ZNF382: variants seen among roughly 807,000 people sequenced by gnomAD.
ZNF382 encodes zinc finger protein 382, also known as KRAB/zinc finger suppressor protein 1.
ZNF382 carries 20 observed loss-of-function variants against 38.8 expected under a neutral mutation model. The observed-to-expected ratio is 0.51, with a 90% CI of 0.36 to 0.75. The LOEUF (loss-of-function observed/expected upper bound fraction) is 0.75. Ranked by LOEUF, ZNF382 falls within the 30% of genes least tolerant of loss-of-function variation. ZNF382 has a pLI of 0.00. For missense variants in ZNF382, 546 were observed against 654.1 expected (o/e 0.83, Z 1.80); for synonymous variants, 202 against 223.1 (o/e 0.91, Z 0.84).
At chr19:36,611,178 T>C (rs1358676472) in intron 4 of ZNF382, among the ~76,000 whole-genome samples, 1 of 152,058 alleles carries the variant, frequency 6.6e-6, no homozygotes, top group Non-Finnish European at 1.5e-5. Flanking sequence ...GAATCCCAGC[T>C]ACTCAGGAGG....
At chr19:36,625,089 AAT>A (rs371760229) in intron 4 of ZNF382, among the ~76,000 whole-genome samples, 1,326 of 42,948 alleles carry the variant, frequency 0.031, 52 homozygotes, top group African/African-American at 0.07. Context: ...AATGAATTTA[AAT>A]ATATATATAT....
intron 3 of ZNF382, 189 bp from the exon 4 acceptor site, chr19:36,610,461 A>G (rs1379266477): frequency 1.1e-5 from 5 of 469,732 alleles, no homozygotes; most frequent in Non-Finnish European, 7.5e-6. Context: ...CTCAAAAAAA[A>G]AAAAGAAAAG....
chr19:36,612,310 A>G (rs1046638068), intron 4 of ZNF382, among the ~76,000 whole-genome samples: 81 of 152,204 alleles, frequency 5.3e-4, no homozygotes, highest in African/African-American at 1.8e-3. Flanking sequence ...TTAACTGTGG[A>G]ACAGTTTTCC....
intron 4 of ZNF382, among the ~76,000 whole-genome samples, chr19:36,614,914 C>CTTTCCTTTCCTTCCCTTCCCTTTCCCT (rs752527955): frequency 1.1e-5 from 1 of 90,788 alleles, no homozygotes. Context: ...CTTTCCTTTC[C>CTTTCCTTTCCTTCCCTTCCCTTTCCCT]TTCCCTTTCC....
rs78803382 is a variant in ZNF382 at position 36,619,856 on chromosome 19, G to A, written c.233-6274G>A. On this transcript the variant is annotated intron_variant, in intron 4 of 4. Transcript: ENST00000292928. ...CACCATTCTCCTGCCTTAGCCTCCT[G>A]AGTAGCTGGGACTGCAGGCACCCAC... Among the ~76,000 whole-genome samples, 833 of 151,908 alleles carry A rather than the reference G, an allele frequency of 5.5e-3. 23 individuals carry two copies. The highest frequency in any genetic ancestry group is 0.037 in the Admixed American group (565 of 15,236).
intron 3 of ZNF382, 46 bp downstream of exon 3, chr19:36,610,099 A>C: frequency 6.2e-7 from 1 of 1,600,726 alleles, no homozygotes; most frequent in South Asian, 1.1e-5. Flanking sequence ...TCTCCTTCTA[A>C]GAATTCCTGA....
chr19:36,625,357 A>G (rs187588410), intron 4 of ZNF382, among the ~76,000 whole-genome samples: 1 of 151,862 alleles, frequency 6.6e-6, no homozygotes, highest in East Asian at 1.9e-4. Flanking sequence ...CAAGTGAAGA[A>G]GAAAGAATTG....
intron 4 of ZNF382, among the ~76,000 whole-genome samples, chr19:36,625,409 T>C (rs1013519779): frequency 6.6e-6 from 1 of 151,976 alleles, no homozygotes; most frequent in African/African-American, 2.4e-5. Flanking sequence ...GATAAATGTA[T>C]AGCTTTTCAT....
intron 1 of ZNF382, 31 bp from the exon 2 acceptor site, chr19:36,607,521 A>G: frequency 2.3e-6 from 3 of 1,331,718 alleles, no homozygotes; most frequent in Admixed American, 2.0e-5. Context: ...ATGGTCTCAC[A>G]TACGTATATC....
chr19:36,609,804 G>A, intron 2 of ZNF382, 98 bp from the exon 3 acceptor site: 1 of 1,070,468 alleles, frequency 9.3e-7, no homozygotes, highest in Non-Finnish European at 1.3e-6. Context: ...AGAATTTTAT[G>A]CAATATAAAA....
At chr19:36,614,095 T>G (rs929129655) in intron 4 of ZNF382, among the ~76,000 whole-genome samples, 1 of 151,996 alleles carries the variant, frequency 6.6e-6, no homozygotes, top group African/African-American at 2.4e-5. Flanking sequence ...ACCCCAGCAC[T>G]TTGGGAGGCC....
intron 4 of ZNF382, among the ~76,000 whole-genome samples, chr19:36,625,089 A>AT (rs2037199569): frequency 4.7e-5 from 2 of 42,994 alleles, no homozygotes; most frequent in East Asian, 1.1e-3. Flanking sequence ...AATGAATTTA[A>AT]ATATATATAT....
chr19:36,623,665 A>C (rs2037186946), intron 4 of ZNF382, among the ~76,000 whole-genome samples: 1 of 151,910 alleles, frequency 6.6e-6, no homozygotes, highest in Non-Finnish European at 1.5e-5. Context: ...TTGGTGGCAC[A>C]CACCTGTAGT....
At position 36,622,918 on chromosome 19, in the gene ZNF382, G is replaced by A. The variant is rs148245083; in HGVS notation, c.233-3212G>A. ...TCCTCCATGAAATACCTTGACTACT[G>A]TATAGACTATGTCTATTTCTGTTTT... is the stretch of plus-strand genomic sequence containing the variant. On this transcript the variant is annotated intron_variant, in intron 4 of 4. Coordinates refer to ENST00000292928, the MANE Select transcript of ZNF382 (RefSeq NM_032825.5). 2.2e-3 allele frequency among the ~76,000 whole-genome samples: 336 copies of A among 152,092 alleles called. 2 individuals are homozygous for A. Among genetic ancestry groups the A allele is most frequent in the African/African-American group, 7.9e-3 (327 of 41,484 alleles).
rs946473537 is a variant in ZNF382, at chr19:36,631,407, A to C, written c.*3857A>C. On this transcript the variant is annotated 3_prime_UTR_variant, in exon 5 of 5. Coordinates refer to ENST00000292928, the MANE Select transcript of ZNF382 (RefSeq NM_032825.5). ...GTACTATAATCTTTTTTTTTTTTTGAGACAGAGTCTCACTCTGTCGCCCAG... is the reference window on the plus strand; with the variant it reads ...GTACTATAATCTTTTTTTTTTTTTGCGACAGAGTCTCACTCTGTCGCCCAG... 8 of 149,580 alleles carry C rather than the reference A, an allele frequency of 5.3e-5. No individual in the cohort carries two copies. Among genetic ancestry groups the C allele is most frequent in the African/African-American group, 1.2e-4 (5 of 40,634 alleles). The allele number at this position is 149,580 out of a possible 1,614,324, so 9.3% of individuals were successfully genotyped here.
intron 4 of ZNF382, among the ~76,000 whole-genome samples, chr19:36,616,698 A>AT (rs2037128590): frequency 6.6e-6 from 1 of 152,204 alleles, no homozygotes; most frequent in Non-Finnish European, 1.5e-5. Flanking sequence ...TGTGGACTAA[A>AT]TTTTAGGTGA....
intron 4 of ZNF382, among the ~76,000 whole-genome samples, chr19:36,624,755 A>G (rs376136306): frequency 1.3e-5 from 2 of 152,110 alleles, no homozygotes; most frequent in Non-Finnish European, 2.9e-5. Flanking sequence ...GGCAGAATAA[A>G]TTGAATAAAT....
intron 4 of ZNF382, among the ~76,000 whole-genome samples, chr19:36,621,324 G>GTTTTTTTTTTTT (rs10557413): frequency 1.9e-5 from 2 of 104,470 alleles, no homozygotes; most frequent in African/African-American, 7.5e-5. Context: ...TTTTTCCCTA[G>GTTTTTTTTTTTT]TTTTTTTTTT....
chr19:36,615,700 GGTTT>G (rs1159979147), intron 4 of ZNF382, among the ~76,000 whole-genome samples: 6 of 152,216 alleles, frequency 3.9e-5, no homozygotes, highest in East Asian at 3.9e-4. Context: ...TAAATACATA[GGTTT>G]GTTTGTTTTG....
Sources: gnomAD v4.1 joint callset for allele counts (sites outside exome capture counted in the v4.1 genomes callset) on GRCh38, gnomAD v4.1.1 for gene constraint, MANE v1.5 for transcripts, NCBI Gene and HGNC (gene_info 2026-07-23, HGNC 2026-07-21) for gene names.